RBFOX3: variants seen among roughly 807,000 people sequenced by gnomAD.
RBFOX3 encodes RNA binding protein fox-1 homolog 3.
Under a neutral mutation model 48.7 loss-of-function variants are expected in RBFOX3, and 17 were observed. The ratio of observed to expected loss-of-function variants is 0.35; its 90% CI spans 0.24 to 0.52. The LOEUF (loss-of-function observed/expected upper bound fraction) is 0.52. Among genes scored for constraint, RBFOX3 ranks in the 20% least tolerant of loss-of-function variants. The probability of loss-of-function intolerance (pLI) is 0.94; values close to 1 mark genes in which losing one functional copy is unlikely to be tolerated. For missense variants in RBFOX3, 382 were observed against 497.5 expected (o/e 0.77, Z 2.21); for synonymous variants, 212 against 209.5 (o/e 1.01, Z -0.10).
chr17:79,138,835 A>G (rs111064325), intron 4 of RBFOX3, among the ~76,000 whole-genome samples: 21,407 of 99,820 alleles, frequency 0.21, 2,412 homozygotes, highest in Non-Finnish European at 0.27. Context: ...TCACCCACAC[A>G]CATGCACACA....
At chr17:79,307,250 G>A (rs953315359) in intron 3 of RBFOX3, among the ~76,000 whole-genome samples, 5 of 152,358 alleles carry the variant, frequency 3.3e-5, no homozygotes, top group South Asian at 2.1e-4. Flanking sequence ...TGCCCGGGAC[G>A]AGCTCCACCG....
intron 2 of RBFOX3, among the ~76,000 whole-genome samples, chr17:79,398,712 G>T (rs904721321): frequency 6.6e-6 from 1 of 152,202 alleles, no homozygotes; most frequent in Non-Finnish European, 1.5e-5. Context: ...TGGGAGATGT[G>T]AGTGCATAAA....
intron 2 of RBFOX3, among the ~76,000 whole-genome samples, chr17:79,344,325 C>T (rs752334747): frequency 6.6e-6 from 1 of 152,158 alleles, no homozygotes; most frequent in Non-Finnish European, 1.5e-5. Flanking sequence ...AAATTCCAGA[C>T]TGCCAGTGAG....
At chr17:79,291,148 AT>A (rs2073182857) in intron 3 of RBFOX3, among the ~76,000 whole-genome samples, 2 of 152,254 alleles carry the variant, frequency 1.3e-5, no homozygotes, top group African/African-American at 2.4e-5. Flanking sequence ...TGGGTCAAAA[AT>A]GAGTCAAAGT....
At position 79,198,294 on chromosome 17, in the gene RBFOX3, CAT is replaced by C. The variant is rs1286065049; in HGVS notation, c.-34+37470_-34+37471del. Among the ~76,000 whole-genome samples, 1 of 152,228 alleles carries C rather than the reference CAT, an allele frequency of 6.6e-6. No individual in the cohort carries two copies. The highest frequency in any genetic ancestry group is 1.5e-5 in the Non-Finnish European group (1 of 68,044). Reference sequence around the variant, plus strand: ...CCCTGCCCTGCACCTCTCCATCCCACATGAGGCGACCTTGCAGGCACAGGTGC... The same window carrying C: ...CCCTGCCCTGCACCTCTCCATCCCACGAGGCGACCTTGCAGGCACAGGTGC... On this transcript the variant is annotated intron_variant, in intron 4 of 14. Transcript: ENST00000693108. The surrounding 1 kb of genome is among the most constrained non-coding windows in gnomAD (Gnocchi z 8.2).
At chr17:79,650,000 G>A in the RBFOX3 span, among the ~76,000 whole-genome samples, 1 of 152,094 alleles carries the variant, frequency 6.6e-6, no homozygotes, top group African/African-American at 2.4e-5. Flanking sequence ...TGAGAAACCG[G>A]CCCCCTGATC....
upstream of RBFOX3, among the ~76,000 whole-genome samples, chr17:79,611,123 G>T (rs1270144760): frequency 2.8e-3 from 26 of 9,156 alleles, no homozygotes; most frequent in South Asian, 0.018. Flanking sequence ...TCCTCTCTCC[G>T]CCCTCCTTCT....
At chr17:79,419,037 G>C (rs946117370) in intron 2 of RBFOX3, among the ~76,000 whole-genome samples, 2 of 152,174 alleles carry the variant, frequency 1.3e-5, no homozygotes, top group African/African-American at 4.8e-5. Context: ...AGGAGGAAGC[G>C]TGGCATCCTG....
At chr17:79,608,305 C>T (rs1322643971) in intron 1 of RBFOX3, among the ~76,000 whole-genome samples, 2 of 152,224 alleles carry the variant, frequency 1.3e-5, no homozygotes, top group African/African-American at 4.8e-5. Context: ...GAGCATTTGC[C>T]GCAAAGGCCC....
chr17:79,595,744 C>A (rs1432607511), intron 1 of RBFOX3, among the ~76,000 whole-genome samples: 23 of 152,314 alleles, frequency 1.5e-4, no homozygotes, highest in Admixed American at 9.8e-4. Flanking sequence ...AGAGGAAGAG[C>A]AAGGTGGCAG....
chr17:79,642,582 A>C, the RBFOX3 span, among the ~76,000 whole-genome samples: 3,236 of 152,262 alleles, frequency 0.021, 96 homozygotes, highest in African/African-American at 0.062. Context: ...CTCTCACTTC[A>C]CTTTTTTATT....
At chr17:79,609,555 A>G (rs1451237772) in intron 1 of RBFOX3, among the ~76,000 whole-genome samples, 5 of 152,196 alleles carry the variant, frequency 3.3e-5, no homozygotes, top group Non-Finnish European at 4.4e-5. Context: ...TACCTCGCCA[A>G]AGCTGGAACG....
chr17:79,313,260 G>A (rs576664224), intron 2 of RBFOX3, among the ~76,000 whole-genome samples: 2 of 152,216 alleles, frequency 1.3e-5, no homozygotes, highest in South Asian at 2.1e-4. Context: ...AGGGCTGGGG[G>A]AGGCTCGACC....
intron 2 of RBFOX3, among the ~76,000 whole-genome samples, chr17:79,337,004 C>T (rs1294565069): frequency 6.6e-6 from 1 of 152,150 alleles, no homozygotes; most frequent in Non-Finnish European, 1.5e-5. Context: ...CCTGTAATCC[C>T]AGCTACTTGG....
rs533413440 is a variant in RBFOX3, at chr17:79,233,314, G to A, written c.-34+2452C>T. On this transcript the variant is annotated intron_variant, in intron 4 of 14. Transcript: ENST00000693108. ...CCAGAAAATATACATATTCTACAGCGACAAGAAGCAGAGTCAGTGCTTGCC... is the reference window on the plus strand; with the variant it reads ...CCAGAAAATATACATATTCTACAGCAACAAGAAGCAGAGTCAGTGCTTGCC... Among the ~76,000 whole-genome samples the A allele has an allele frequency of 1.2e-4, 18 of 152,268 alleles. No homozygotes were observed. In the East Asian group the frequency reaches 3.1e-3, roughly 26 times the overall value.
chr17:79,162,357 C>T (rs547288441), intron 4 of RBFOX3, among the ~76,000 whole-genome samples: 392 of 152,322 alleles, frequency 2.6e-3, no homozygotes, highest in Non-Finnish European at 5.0e-3. Context: ...GGTGAGACGT[C>T]GGACAAGGCC....
intron 2 of RBFOX3, among the ~76,000 whole-genome samples, chr17:79,399,255 C>T (rs770555319): frequency 7.2e-5 from 11 of 152,260 alleles, no homozygotes; most frequent in Non-Finnish European, 8.8e-5. Flanking sequence ...TTTGTTACAG[C>T]GGCCACAGGA....
intron 5 of RBFOX3, among the ~76,000 whole-genome samples, chr17:79,109,441 T>C (rs2029867367): frequency 6.6e-6 from 1 of 152,222 alleles, no homozygotes; most frequent in Non-Finnish European, 1.5e-5. Context: ...CATCCAAGCC[T>C]GGGGAACTGG....
intron 4 of RBFOX3, 47 bp downstream of exon 4, chr17:79,235,719 C>T (rs2061554178): frequency 6.5e-6 from 1 of 153,766 alleles, no homozygotes; most frequent in Admixed American, 6.5e-5. Context: ...TCAACATGCT[C>T]ATATCTGTCA....
Sources: allele counts gnomAD v4.1 joint callset (sites outside exome capture counted in the v4.1 genomes callset), GRCh38; gene constraint gnomAD v4.1.1; non-coding constraint Gnocchi (gnomAD v3.1); transcripts MANE v1.5; gene names NCBI Gene and HGNC (gene_info 2026-07-23, HGNC 2026-07-21).